The following EDA variants were observed in gnomAD, a reference collection of about 807,000 sequenced individuals.
EDA encodes ectodysplasin A.
EDA carries 2 observed loss-of-function variants against 23.6 expected under a neutral mutation model. The ratio of observed to expected loss-of-function variants is 0.08; its 90% confidence interval spans 0.03 to 0.27. EDA has a LOEUF of 0.27. Among genes scored for constraint, EDA ranks in the 10% least tolerant of loss-of-function variants. The probability of loss-of-function intolerance (pLI) is 1.00; values close to 1 mark genes in which losing one functional copy is unlikely to be tolerated. For synonymous variants in EDA, 131 were observed against 132.0 expected (o/e 0.99, Z 0.05); for missense variants, 229 against 324.2 (o/e 0.71, Z 2.26).
chrX:69,914,549 T>C (rs981897192), intron 1 of EDA, among the ~76,000 whole-genome samples: 1 of 111,895 alleles, frequency 8.9e-6, no homozygotes, highest in African/African-American at 3.2e-5. Flanking sequence ...TCAATACATA[T>C]AATGTATAGT....
chrX:69,860,679 T>G (rs756485723), intron 1 of EDA, among the ~76,000 whole-genome samples: 12 of 111,206 alleles, frequency 1.1e-4, no homozygotes, highest in Non-Finnish European at 1.9e-4. Context: ...CATTTCAACC[T>G]TGGAAAATCT....
At chrX:69,634,060 C>T (rs1232391721) in intron 1 of EDA, among the ~76,000 whole-genome samples, 2 of 112,028 alleles carry the variant, frequency 1.8e-5, no homozygotes, top group Non-Finnish European at 3.8e-5. Context: ...TCTTACTGAG[C>T]ATAAGGTGAT....
chrX:70,006,471 A>G (rs777023756), intron 2 of EDA, among the ~76,000 whole-genome samples: 12 of 112,070 alleles, frequency 1.1e-4, no homozygotes, highest in Non-Finnish European at 2.3e-4. Flanking sequence ...CCTGATGACA[A>G]TGGTGTTGAG....
At position 70,023,230 on chromosome X, in the gene EDA, A is replaced by G. The variant is rs551926676; in HGVS notation, c.515A>G (p.Asn172Ser). ...SNEGADGPVK[N>S]KKKGKKAGPP... ...ATTTTTCTTATAGGCCCAGTTAAAAACAAGAAAAAGGGTAAGTTCCTGACT... is the reference window on the plus strand; with the variant it reads ...ATTTTTCTTATAGGCCCAGTTAAAAGCAAGAAAAAGGGTAAGTTCCTGACT... Residue 172 changes from asparagine to serine, a missense_variant, in exon 3 of 8, where the codon AAC becomes AGC. By Grantham distance (46) the Asn-to-Ser change is conservative (BLOSUM62 1). Coordinates refer to ENST00000374552, the MANE Select transcript of EDA (RefSeq NM_001399.5). 9.1e-7 allele frequency: 1 copy of G among 1,100,926 alleles called. No homozygotes were observed. The highest frequency in any genetic ancestry group is 1.9e-5 in the South Asian group (1 of 53,280). The allele number at this position is 1,100,926 out of a possible 1,213,427, so 90.7% of individuals were successfully genotyped here.
intron 1 of EDA, among the ~76,000 whole-genome samples, chrX:69,704,142 CAT>C (rs1247691901): frequency 9.0e-6 from 1 of 111,676 alleles, no homozygotes; most frequent in East Asian, 2.8e-4. Context: ...TGGTTTTACA[CAT>C]GTTAGGGAGA....
intron 2 of EDA, among the ~76,000 whole-genome samples, chrX:70,016,046 AAAAAAAAAAAC>A (rs1226213223): frequency 1.5e-5 from 1 of 68,403 alleles, no homozygotes; most frequent in Non-Finnish European, 3.3e-5. Flanking sequence ...ATGGAGAAAG[AAAAAAAAAAAC>A]AAAAAAAAAC....
intron 1 of EDA, among the ~76,000 whole-genome samples, chrX:69,787,871 A>G (rs1164654905): frequency 6.3e-5 from 7 of 111,522 alleles, no homozygotes; most frequent in Non-Finnish European, 1.1e-4. Context: ...CTCCTGGATA[A>G]TATCCTGCAG....
chrX:69,785,551 CA>C (rs748089455), intron 1 of EDA, among the ~76,000 whole-genome samples: 2 of 110,718 alleles, frequency 1.8e-5, no homozygotes, highest in East Asian at 5.6e-4. Context: ...TTGAAATAAT[CA>C]TGTGGTTTTT....
chrX:69,786,940 T>G (rs866808569), intron 1 of EDA, among the ~76,000 whole-genome samples: 28,700 of 94,884 alleles, frequency 0.3, 5,964 homozygotes, highest in Middle Eastern at 0.52. Flanking sequence ...CTCTTTGTAG[T>G]TCACTCAGGA....
intron 1 of EDA, among the ~76,000 whole-genome samples, chrX:69,630,175 T>A (rs1932520042): frequency 9.0e-6 from 1 of 110,606 alleles, no homozygotes; most frequent in African/African-American, 3.3e-5. Context: ...TGTGAGGGAG[T>A]CAAGGAAGGG....
intron 1 of EDA, among the ~76,000 whole-genome samples, chrX:69,745,258 T>TA (rs1351298734): frequency 1.8e-5 from 2 of 112,019 alleles, no homozygotes; most frequent in Non-Finnish European, 3.8e-5. Context: ...GGTAGCTATA[T>TA]ATGTTTTTGA....
chrX:69,788,254 G>A (rs773755358), intron 1 of EDA, among the ~76,000 whole-genome samples: 79 of 112,190 alleles, frequency 7.0e-4, no homozygotes, highest in African/African-American at 2.1e-3. Context: ...CCCGTAGCTC[G>A]GAGTAATTTG....
At chrX:69,826,915 C>A (rs2016456570) in intron 1 of EDA, among the ~76,000 whole-genome samples, 1 of 112,264 alleles carries the variant, frequency 8.9e-6, no homozygotes. Flanking sequence ...AATCTCTCAG[C>A]ATTTGCTTTT....
intron 1 of EDA, among the ~76,000 whole-genome samples, chrX:69,708,929 A>G (rs1452022986): frequency 9.0e-6 from 1 of 111,531 alleles, no homozygotes; most frequent in Non-Finnish European, 1.9e-5. Context: ...GAAGGATAAC[A>G]TCATGCAGAT....
intron 2 of EDA, among the ~76,000 whole-genome samples, chrX:70,011,962 A>G (rs1328641942): frequency 8.9e-6 from 1 of 111,804 alleles, no homozygotes; most frequent in East Asian, 2.8e-4. Flanking sequence ...AGTAAGCACT[A>G]GAATCTGGCT....
Position 70,030,326 on chromosome X carries a change from T to A in EDA, c.742-143T>A. On this transcript the variant is annotated intron_variant, in intron 5 of 7. Transcript: ENST00000374552. ...ATATTACCCTCTAGTAGAAATGTAG[T>A]CAGTAACATCCCAAGACAGGGGAGA... 7 of 548,198 alleles carry A rather than the reference T, an allele frequency of 1.3e-5. No individual in the cohort carries two copies. The South Asian group carries it at 1.8e-4, about 14-fold the overall frequency. The allele number at this position is 548,198 out of a possible 1,213,427, so 45.2% of individuals were successfully genotyped here.
chrX:69,654,119 A>G (rs182126070), intron 1 of EDA, among the ~76,000 whole-genome samples: 1 of 112,077 alleles, frequency 8.9e-6, no homozygotes, highest in East Asian at 2.8e-4. Context: ...AAACAAATCC[A>G]TCAAAAAGTG....
intron 1 of EDA, among the ~76,000 whole-genome samples, chrX:69,764,983 C>A (rs2014427138): frequency 1.8e-5 from 2 of 111,713 alleles, no homozygotes. Context: ...ATAGGCATGG[C>A]ACCGCCTAAC....
rs965798367 is a variant in EDA at position 69,733,308 on chromosome X, T to G, written c.396+116604T>G. 7.1e-5 allele frequency among the ~76,000 whole-genome samples: 8 copies of G among 112,368 alleles called. 1 individual carries two copies. Among genetic ancestry groups the G allele is most frequent in the Non-Finnish European group, 1.1e-4 (6 of 53,337 alleles). On this transcript the variant is annotated intron_variant, in intron 1 of 7. Coordinates refer to ENST00000374552, the MANE Select transcript of EDA (RefSeq NM_001399.5). ...TGTAAGGAAGGGATCCAGTTTCAGG[T>G]TTCTACATATGGCTAGCCAGTTTTC...
Sources: gnomAD v4.1 joint callset for allele counts (sites outside exome capture counted in the v4.1 genomes callset) on GRCh38, gnomAD v4.1.1 for gene constraint, MANE v1.5 for transcripts, NCBI Gene and HGNC (gene_info 2026-07-23, HGNC 2026-07-21) for gene names.